CDSN: variants seen among roughly 807,000 people sequenced by gnomAD.
CDSN encodes S protein.
CDSN carries 11 observed loss-of-function variants against 25.6 expected under a neutral mutation model. That is an observed-to-expected ratio of 0.43 (90% CI 0.27 to 0.71). CDSN has a LOEUF of 0.71. Among genes scored for constraint, CDSN ranks in the 30% least tolerant of loss-of-function variants. The pLI, the probability that CDSN is intolerant of heterozygous loss-of-function variation, is 0.20. For synonymous variants in CDSN, 266 were observed against 267.4 expected, an observed-to-expected ratio of 0.99 and a Z score of 0.05; for missense variants, 598 against 670.9, an observed-to-expected ratio of 0.89 and a Z score of 1.20.
rs770262607 is a variant in CDSN at position 31,116,297 on chromosome 6, T to C, written c.1318A>G (p.Ser440Gly). The change falls in exon 2 of 2, where the codon AGT becomes GGT. Residue 440 changes from serine to glycine, a missense_variant. Ser to Gly is a moderately conservative substitution (Grantham distance 56). Transcript: ENST00000376288. ...CAAGGCTGAAGGATGATTTTGCCAC[T>C]GGATTGGGAACTGGAGCTGCTGCTG... ...SFSSSSSSQS[S>G]GKIILQPCGS... 8 of 1,613,890 alleles carry C rather than the reference T, an allele frequency of 5.0e-6. No individual in the cohort carries two copies. In the Admixed American group the frequency reaches 8.3e-5, roughly 17 times the overall value.
In CDSN at chr6:31,116,690, G is replaced by A. The variant is rs753468197; in HGVS notation, c.925C>T (p.Pro309Ser). The change falls in exon 2 of 2, where the codon CCA becomes TCA. Residue 309 changes from proline (P) to serine (S), a missense_variant. Pro to Ser is a moderately conservative substitution (Grantham distance 74, BLOSUM62 -1). Transcript: ENST00000376288. Reference sequence around the variant, plus strand: ...TTACCCTTACTGTAGGTCATGCCTGGAACCAGATAACTGTCAGAGGAGCCA... The same window carrying A: ...TTACCCTTACTGTAGGTCATGCCTGAAACCAGATAACTGTCAGAGGAGCCA... The part of the protein sequence containing the change: ...VGGSSDSYLV[P>S]GMTYSKGKIY... 2 of 1,612,720 alleles carry A rather than the reference G, an allele frequency of 1.2e-6. No homozygotes were observed. Among genetic ancestry groups the A allele is most frequent in the Admixed American group, 1.7e-5 (1 of 60,028 alleles).
chr6:31,117,560 C>A, intron 1 of CDSN, 31 bp from the exon 2 acceptor site: 2 of 1,542,992 alleles, frequency 1.3e-6, no homozygotes, highest in South Asian at 1.2e-5. Context: ...TAGTAAGGGC[C>A]AAGGAGGCTT....
chr6:31,119,567 A>T (rs1374401012), intron 1 of CDSN, among the ~76,000 whole-genome samples: 3 of 152,202 alleles, frequency 2.0e-5, no homozygotes, highest in African/African-American at 7.2e-5. Context: ...GAGTGGAAAT[A>T]GCAAATCTCC....
Position 31,116,038 on chromosome 6 carries a change from A to C in CDSN, c.1577T>G (p.Leu526Arg). Residue 526 changes from leucine (L) to arginine (R), a missense_variant, in exon 2 of 2, where the codon CTC becomes CGC. Coordinates refer to ENST00000376288, the MANE Select transcript of CDSN (RefSeq NM_001264.5). ...ACAGTTGACTTCTTATGGACTGTTG[A>C]GTAACTCTCCTTGGGGTAGGAAAAC... ...PEVFLPQGEL[L>R]NSP is the part of the protein sequence containing the mutation. 1 of 1,611,772 alleles carries C rather than the reference A, an allele frequency of 6.2e-7. No individual in the cohort carries two copies. The highest frequency in any genetic ancestry group is 1.3e-5 in the African/African-American group (1 of 75,004).
In CDSN at chr6:31,116,758, A is replaced by G. The variant is rs771311172; in HGVS notation, c.857T>C (p.Ile286Thr). 1 of 1,613,090 alleles carries G rather than the reference A, an allele frequency of 6.2e-7. No homozygotes were observed. Among genetic ancestry groups the G allele is most frequent in the Non-Finnish European group, 8.5e-7 (1 of 1,180,014 alleles). ...GGLPGKPCPP[I>T]TSVDKSYGGY... ...ACCATAGGATTTGTCTACAGAGGTG[A>G]TTGGGGGACAGGGCTTGCCTGGAAG... The change falls in exon 2 of 2, where the codon ATC becomes ACC. Residue 286 changes from isoleucine to threonine, a missense_variant. Coordinates refer to ENST00000376288, the MANE Select transcript of CDSN (RefSeq NM_001264.5).
chr6:31,117,051 G>C lies in CDSN; in HGVS notation c.564C>G (p.Asn188Lys), dbSNP rs756727418. The change falls in exon 2 of 2, where the codon AAC (asparagine) becomes AAG (lysine). Residue 188 changes from asparagine (N) to lysine (K), a missense_variant. Physicochemically the swap from Asn to Lys is moderately conservative, Grantham distance 94 (BLOSUM62 0). Transcript: ENST00000376288. Reference sequence around the variant, plus strand: ...AAGAGCTTTGTCCAGGCTGGGAAGGGTTTAGTATTCCGCGGTAAGAGTTGT... The same window carrying C: ...AAGAGCTTTGTCCAGGCTGGGAAGGCTTTAGTATTCCGCGGTAAGAGTTGT... ...TNDNSYRGIL[N>K]PSQPGQSSSS... 3 of 1,614,136 alleles carry C rather than the reference G, an allele frequency of 1.9e-6. No individual in the cohort carries two copies. The highest frequency in any genetic ancestry group is 2.5e-6 in the Non-Finnish European group (3 of 1,180,054).
rs1772393593 is a variant in CDSN, at chr6:31,120,404, C to T, written c.16G>A (p.Ala6Thr). The T allele has an allele frequency of 6.3e-7, 1 of 1,589,476 alleles. No homozygotes were observed. Among genetic ancestry groups the T allele is most frequent in the South Asian group, 1.2e-5 (1 of 86,922 alleles). The part of the protein sequence containing the change: MGSSR[A>T]PWMGRVGGHG... The stretch of plus-strand genomic sequence containing the variant: ...CCACCCACACGCCCCATCCAGGGTG[C>T]CCGAGACGAGCCCATCTCGGACTGC... Residue 6 changes from alanine to threonine, a missense_variant, in exon 1 of 2, where the codon GCA becomes ACA. By Grantham distance (58) the Ala-to-Thr change is moderately conservative (BLOSUM62 0). Coordinates refer to ENST00000376288, the MANE Select transcript of CDSN (RefSeq NM_001264.5).
In CDSN at chr6:31,116,918, C is replaced by T; in HGVS notation, c.697G>A (p.Val233Ile). The change falls in exon 2 of 2, where the codon GTC becomes ATC. Residue 233 changes from valine to isoleucine, a missense_variant. Val to Ile is a conservative substitution (Grantham distance 29). Coordinates refer to ENST00000376288, the MANE Select transcript of CDSN (RefSeq NM_001264.5). ...PDSPCSGGPI[V>I]SHSGPYIPSS... ...GGGATGTAGGGGCCGGAGTGCGAGA[C>T]GATGGGCCCTCCACTGCAGGGAGAG... 2 of 1,614,124 alleles carry T rather than the reference C, an allele frequency of 1.2e-6. No individual in the cohort carries two copies. The highest frequency in any genetic ancestry group is 1.7e-6 in the Non-Finnish European group (2 of 1,179,982).
rs960031486 is a variant in CDSN, at chr6:31,117,109, T to C, written c.506A>G (p.Gln169Arg). 1 of 1,614,150 alleles carries C rather than the reference T, an allele frequency of 6.2e-7. No individual in the cohort carries two copies. Among genetic ancestry groups the C allele is most frequent in the African/African-American group, 1.3e-5 (1 of 75,040 alleles). The change falls in exon 2 of 2, where the codon CAA (glutamine) becomes CGA (arginine). Residue 169 changes from glutamine to arginine, a missense_variant. Physicochemically the swap from Gln to Arg is conservative, Grantham distance 43. Coordinates refer to ENST00000376288, the MANE Select transcript of CDSN (RefSeq NM_001264.5). ...TGGCAGAGCAGAGCCATTCCCTACT[T>C]GGAAGCTGCTGCTGCTGAACTGAAA... ...SSFQFSSSSF[Q>R]VGNGSALPTN...
chr6:31,116,680 G>A lies in CDSN; in HGVS notation c.935C>T (p.Thr312Ile). The A allele has an allele frequency of 6.2e-7, 1 of 1,612,692 alleles. No homozygotes were observed. Among genetic ancestry groups the A allele is most frequent in the Non-Finnish European group, 8.5e-7 (1 of 1,180,018 alleles). Residue 312 changes from threonine to isoleucine, a missense_variant, in exon 2 of 2, where the codon ACC (threonine) becomes ATC (isoleucine). Transcript: ENST00000376288. ...SSDSYLVPGMTYSKGKIYPVG... is the reference protein window; with the variant it reads ...SSDSYLVPGMIYSKGKIYPVG... ...AGGGTAGATTTTACCCTTACTGTAG[G>A]TCATGCCTGGAACCAGATAACTGTC...
chr6:31,115,943 G>T lies in CDSN; in HGVS notation c.*82C>A. 1 of 1,257,612 alleles carries T rather than the reference G, an allele frequency of 8.0e-7. No individual in the cohort carries two copies. The highest frequency in any genetic ancestry group is 1.2e-6 in the Non-Finnish European group (1 of 862,598). The allele number at this position is 1,257,612 out of a possible 1,614,324, so 77.9% of individuals were successfully genotyped here. ...GGGAAACTGAGCTAACCCTATGCCT[G>T]GGCACTGGACTTCTCCCATATGGGA... On this transcript the variant is annotated 3_prime_UTR_variant, in exon 2 of 2. Transcript: ENST00000376288. This position sits in a 1 kb window ranked among gnomAD's most constrained non-coding sequence, Gnocchi z 4.2.
Position 31,116,620 on chromosome 6 carries a change from C to T in CDSN, c.995G>A (p.Gly332Asp), listed in dbSNP as rs1490128815. The change falls in exon 2 of 2, where the codon GGC becomes GAC. Residue 332 changes from glycine to aspartate, a missense_variant. Physicochemically the swap from Gly to Asp is moderately conservative, Grantham distance 94. Coordinates refer to ENST00000376288, the MANE Select transcript of CDSN (RefSeq NM_001264.5). ...GYFTKENPVK[G>D]SPGVPSFAAG... ...TGCAAAGGAAGGGACCCCTGGAGAG[C>T]CTTTCACAGGGTTCTCTTTGGTGAA... is the stretch of plus-strand genomic sequence containing the variant. The T allele has an allele frequency of 2.5e-6, 4 of 1,613,118 alleles. No homozygotes were observed. The African/African-American group carries it at 4.0e-5, about 16-fold the overall frequency.
In CDSN at chr6:31,120,414, G is replaced by A; in HGVS notation, c.6C>T (p.Gly2=). M[G]SSRAPWMGRV... is the part of the protein sequence containing the mutation. ...GCCCCATCCAGGGTGCCCGAGACGA[G>A]CCCATCTCGGACTGCACGGCCTCCT... is the stretch of plus-strand genomic sequence containing the variant. Residue 2 remains glycine (G), a synonymous_variant, in exon 1 of 2, where the codon GGC becomes GGT. Coordinates refer to ENST00000376288, the MANE Select transcript of CDSN (RefSeq NM_001264.5). 1 of 1,583,452 alleles carries A rather than the reference G, an allele frequency of 6.3e-7. No individual in the cohort carries two copies. Among genetic ancestry groups the A allele is most frequent in the Non-Finnish European group, 8.6e-7 (1 of 1,165,226 alleles).
intron 1 of CDSN, 70 bp downstream of exon 1, chr6:31,120,265 C>G: frequency 8.1e-7 from 1 of 1,232,530 alleles, no homozygotes; most frequent in South Asian, 1.3e-5. Flanking sequence ...CTGCCTGTCC[C>G]CTTCGCTGGG....
chr6:31,118,008 AG>A (rs1772262410), intron 1 of CDSN: 1 of 165,208 alleles, frequency 6.1e-6, no homozygotes, highest in African/African-American at 2.4e-5. Context: ...TCTAAAAGAA[AG>A]GACCCTGAAG....
chr6:31,117,264 G>C lies in CDSN; in HGVS notation c.351C>G (p.Tyr117Ter). ...GTAGACTAGAGCCAGATCCGGAGGA[G>C]TAGCTGACCTGGGAATACCCCGTTC... ...KPGTGYSQVS[Y>*]SSGSGSSLQG... Residue 117 changes from tyrosine (Y) to a stop codon, truncating the protein, a stop_gained, in exon 2 of 2, where the codon TAC becomes TAG. Transcript: ENST00000376288. LOFTEE classifies it high-confidence loss of function. 2 of 1,608,870 alleles carry C rather than the reference G, an allele frequency of 1.2e-6. No individual in the cohort carries two copies. The highest frequency in any genetic ancestry group is 1.7e-6 in the Non-Finnish European group (2 of 1,177,018).
rs201665595 is a variant in CDSN, at chr6:31,118,837, C to CTTTTTTTTTTTTTTTTTTTTTT, written c.86-1309_86-1308insAAAAAAAAAAAAAAAAAAAAAA. 1.5e-4 allele frequency: 14 copies of CTTTTTTTTTTTTTTTTTTTTTT among 92,456 alleles called. 5 individuals carry two copies. Among genetic ancestry groups the CTTTTTTTTTTTTTTTTTTTTTT allele is most frequent in the African/African-American group, 3.6e-4 (8 of 22,024 alleles). 5.7% of individuals were successfully genotyped at this position (92,456 alleles called of 1,614,324 possible). A position where few individuals can be genotyped will look rare whatever the true frequency, so the allele number is the denominator to read the frequency against. ...ATCATCCACCTGGAAGTTTTTTCTT[C>CTTTTTTTTTTTTTTTTTTTTTT]TTCTTCTTTTTTTTTTTTTTTTTTG... On this transcript the variant is annotated intron_variant, in intron 1 of 1. Transcript: ENST00000376288.
chr6:31,117,711 A>T (rs961656934), intron 1 of CDSN, 182 bp from the exon 2 acceptor site: 1 of 619,104 alleles, frequency 1.6e-6, no homozygotes, highest in African/African-American at 1.8e-5. Context: ...GTGGCCGAAT[A>T]AAGGCATTTC....
In CDSN at chr6:31,116,298, G is replaced by C. The variant is rs3130982; in HGVS notation, c.1317C>G (p.Ser439=). 0.51 allele frequency: 822,160 copies of C among 1,613,568 alleles called. 213,999 individuals are homozygous for C. Among genetic ancestry groups the C allele is most frequent in the East Asian group, 0.68 (30,594 of 44,816 alleles). ...AAGGCTGAAGGATGATTTTGCCACT[G>C]GATTGGGAACTGGAGCTGCTGCTGA... The part of the protein sequence containing the change: ...GSFSSSSSSQ[S]SGKIILQPCG... The change falls in exon 2 of 2, where the codon TCC becomes TCG. Residue 439 remains serine, a synonymous_variant. Coordinates refer to ENST00000376288, the MANE Select transcript of CDSN (RefSeq NM_001264.5).
Sources: allele counts gnomAD v4.1 joint callset (sites outside exome capture counted in the v4.1 genomes callset), GRCh38; gene constraint gnomAD v4.1.1; non-coding constraint Gnocchi (gnomAD v3.1); transcripts MANE v1.5; gene names NCBI Gene and HGNC (gene_info 2026-07-23, HGNC 2026-07-21).